Variants in PREP observed in about 807,000 individuals in gnomAD.
PREP encodes prolyl endopeptidase, also known as dJ355L5.1 (prolyl endopeptidase).
A neutral mutation model predicts 87.6 loss-of-function variants in PREP; 29 were observed. The ratio of observed to expected loss-of-function variants is 0.33; its 90% CI spans 0.25 to 0.45. The LOEUF (loss-of-function observed/expected upper bound fraction) is 0.45. Ranked by LOEUF, PREP falls within the 20% of genes least tolerant of loss-of-function variation. The pLI, the probability that PREP is intolerant of heterozygous loss-of-function variation, is 1.00. For missense variants in PREP, 695 were observed against 886.5 expected (o/e 0.78, Z 2.74); for synonymous variants, 337 against 328.6 (o/e 1.03, Z -0.28).
intron 1 of PREP, among the ~76,000 whole-genome samples, chr6:105,401,560 T>C (rs1773430368): frequency 2.0e-5 from 3 of 152,232 alleles, no homozygotes; most frequent in African/African-American, 4.8e-5. Context: ...TCTTTTCATT[T>C]AGTCCAGCCT....
At chr6:105,324,930 C>T (rs1035469131) in intron 9 of PREP, among the ~76,000 whole-genome samples, 2 of 152,178 alleles carry the variant, frequency 1.3e-5, no homozygotes, top group Admixed American at 1.3e-4. Context: ...ACGATTAACG[C>T]TGACAGTAAG....
chr6:105,343,195 C>A (rs1232113726), intron 7 of PREP, among the ~76,000 whole-genome samples: 1 of 152,162 alleles, frequency 6.6e-6, no homozygotes, highest in Non-Finnish European at 1.5e-5. Flanking sequence ...ACCAATGGAA[C>A]AGAACAGAGC....
intron 2 of PREP, among the ~76,000 whole-genome samples, chr6:105,381,477 G>C (rs1451448552): frequency 6.6e-6 from 1 of 152,122 alleles, no homozygotes; most frequent in Non-Finnish European, 1.5e-5. Context: ...AAAGAAAATG[G>C]AAGTGTTACA....
At chr6:105,384,345 A>G (rs1772928208) in intron 2 of PREP, among the ~76,000 whole-genome samples, 1 of 152,238 alleles carries the variant, frequency 6.6e-6, no homozygotes, top group Admixed American at 6.5e-5. Flanking sequence ...CAGGTACCGA[A>G]GGGCAGTGAT....
At chr6:105,387,737 G>C (rs1271270014) in intron 2 of PREP, among the ~76,000 whole-genome samples, 1 of 152,182 alleles carries the variant, frequency 6.6e-6, no homozygotes, top group African/African-American at 2.4e-5. Flanking sequence ...AGCCATCCTG[G>C]GCCACATGTG....
chr6:105,377,278 T>C (rs930373905), intron 3 of PREP, 108 bp downstream of exon 3: 6 of 1,259,064 alleles, frequency 4.8e-6, no homozygotes, highest in South Asian at 1.5e-5. Flanking sequence ...TAATTCCTTA[T>C]AATGAATTAA....
chr6:105,361,802 C>A (rs1026528714), intron 6 of PREP, among the ~76,000 whole-genome samples: 2 of 152,134 alleles, frequency 1.3e-5, no homozygotes, highest in African/African-American at 4.8e-5. Context: ...AAACTAACCA[C>A]CTACAATGAT....
At chr6:105,295,345 C>A (rs183542671) in intron 10 of PREP, among the ~76,000 whole-genome samples, 123 of 152,132 alleles carry the variant, frequency 8.1e-4, no homozygotes, top group African/African-American at 2.9e-3. Context: ...GCCTCCACTA[C>A]TACTGTGCTC....
In PREP at chr6:105,353,079, T is replaced by C; in HGVS notation, c.718-2A>G. 6.2e-7 allele frequency: 1 copy of C among 1,600,732 alleles called. No individual in the cohort carries two copies. Among genetic ancestry groups the C allele is most frequent in the Non-Finnish European group, 8.5e-7 (1 of 1,172,022 alleles). The stretch of plus-strand genomic sequence containing the variant: ...GACATAGCGGCCATCATCAGATAAC[T>C]AAAAAAGAAAAAAAAATAGTGCAGG... On this transcript the variant is annotated splice_acceptor_variant, in intron 6 of 14. Transcript: ENST00000652536. LOFTEE classifies it high-confidence loss of function.
intron 10 of PREP, among the ~76,000 whole-genome samples, chr6:105,295,560 C>G (rs1315885433): frequency 6.6e-6 from 1 of 152,038 alleles, no homozygotes; most frequent in Non-Finnish European, 1.5e-5. Flanking sequence ...TTCCTATCCC[C>G]ACCCCTGCTC....
At chr6:105,387,963 C>A (rs1773046934) in intron 2 of PREP, among the ~76,000 whole-genome samples, 1 of 151,928 alleles carries the variant, frequency 6.6e-6, no homozygotes, top group Admixed American at 6.6e-5. Context: ...ACAGTGGGCA[C>A]CTAGATAAAC....
At chr6:105,358,220 A>G (rs1424782949) in intron 6 of PREP, among the ~76,000 whole-genome samples, 1 of 152,158 alleles carries the variant, frequency 6.6e-6, no homozygotes, top group African/African-American at 2.4e-5. Context: ...AAGAATTACT[A>G]TAAATGAAAC....
At chr6:105,302,405 T>C (rs1330703606) in intron 10 of PREP, 1 of 223,236 alleles carries the variant, frequency 4.5e-6, no homozygotes, top group African/African-American at 2.3e-5. Context: ...AATACACACT[T>C]TTCTTTTGTT....
chr6:105,288,816 G>A lies in PREP; in HGVS notation c.1396C>T (p.His466Tyr). The A allele has an allele frequency of 1.2e-6, 2 of 1,614,168 alleles. No homozygotes were observed. Among genetic ancestry groups the A allele is most frequent in the Non-Finnish European group, 1.7e-6 (2 of 1,180,002 alleles). ...CCATAGCCATATAAGAAAGCTGGAT[G>A]AGAGCCATCCAATTTTATGCCTTTT... ...HKKGIKLDGS[H>Y]PAFLYGYGGF... The change falls in exon 11 of 15, where the codon CAT (histidine) becomes TAT (tyrosine). Residue 466 changes from histidine to tyrosine, a missense_variant. Transcript: ENST00000652536.
intron 14 of PREP, among the ~76,000 whole-genome samples, chr6:105,279,440 T>C (rs935544699): frequency 6.6e-6 from 1 of 152,228 alleles, no homozygotes; most frequent in African/African-American, 2.4e-5. Flanking sequence ...AGAAACAAGT[T>C]TGGAAAACCC....
intron 12 of PREP, among the ~76,000 whole-genome samples, chr6:105,284,150 C>T (rs1159927099): frequency 6.6e-6 from 1 of 152,102 alleles, no homozygotes; most frequent in Non-Finnish European, 1.5e-5. Context: ...TTAGTGTAAA[C>T]TCTAATATCA....
chr6:105,285,541 G>A lies in PREP; in HGVS notation c.1494C>T (p.Ile498=). Residue 498 remains isoleucine (I), a synonymous_variant, in exon 12 of 15, where the codon ATC becomes ATT. Coordinates refer to ENST00000652536, the MANE Select transcript of PREP (RefSeq NM_002726.5). ...RLIFVRHMGG[I]LAVANIRGGG... is the part of the protein sequence containing the mutation. ...CTCCTCTGATGTTGGCCACTGCCAGGATACCACCCATGTGTCTCACAAAAA... is the reference window on the plus strand; with the variant it reads ...CTCCTCTGATGTTGGCCACTGCCAGAATACCACCCATGTGTCTCACAAAAA... 1.2e-6 allele frequency: 2 copies of A among 1,614,078 alleles called. No homozygotes were observed. Among genetic ancestry groups the A allele is most frequent in the Non-Finnish European group, 8.5e-7 (1 of 1,180,012 alleles).
intron 6 of PREP, among the ~76,000 whole-genome samples, chr6:105,368,162 T>C (rs1772443130): frequency 6.6e-6 from 1 of 152,176 alleles, no homozygotes; most frequent in Non-Finnish European, 1.5e-5. Context: ...AGCTAAAAAG[T>C]TTGTAGTACA....
chr6:105,377,569 TGTGA>T, intron 2 of PREP, 50 bp from the exon 3 acceptor site: 1 of 1,588,286 alleles, frequency 6.3e-7, no homozygotes, highest in South Asian at 1.1e-5. Context: ...AAATTTTCCA[TGTGA>T]AATATTATCC....
Sources: allele counts gnomAD v4.1 joint callset (sites outside exome capture counted in the v4.1 genomes callset), GRCh38; gene constraint gnomAD v4.1.1; transcripts MANE v1.5; gene names NCBI Gene and HGNC (gene_info 2026-07-23, HGNC 2026-07-21).